PRKAG2: variants seen among roughly 807,000 people sequenced by gnomAD.
The protein encoded by PRKAG2 is protein kinase AMP-activated non-catalytic subunit gamma 2.
Under a neutral mutation model 69.6 loss-of-function variants are expected in PRKAG2, and 26 were observed. The observed-to-expected ratio is 0.37, with a 90% CI of 0.27 to 0.52. The LOEUF is 0.52. PRKAG2 is among the 20% of genes least tolerant of loss of function. PRKAG2 has a pLI of 0.90. For synonymous variants in PRKAG2, 293 were observed against 285.0 expected, an observed-to-expected ratio of 1.03 and a Z score of -0.28; for missense variants, 557 against 740.0, an observed-to-expected ratio of 0.75 and a Z score of 2.87.
At position 151,836,384 on chromosome 7, in the gene PRKAG2, G is replaced by A. The variant is rs2079148299; in HGVS notation, c.114+40123C>T. Among the ~76,000 whole-genome samples the A allele has an allele frequency of 6.6e-6, 1 of 152,174 alleles. No individual in the cohort carries two copies. Among genetic ancestry groups the A allele is most frequent in the African/African-American group, 2.4e-5 (1 of 41,432 alleles). ...GAGAATGGGGTGGTGGCTGCCCCAG[G>A]CCAGCTGGTCCAGGCAGCTTCCCTG... On this transcript the variant is annotated intron_variant, in intron 1 of 15. Transcript: ENST00000287878. The surrounding 1 kb of genome is among the most constrained non-coding windows in gnomAD (Gnocchi z 4.1).
At chr7:151,799,748 C>A (rs1252985671) in intron 1 of PRKAG2, among the ~76,000 whole-genome samples, 2 of 152,162 alleles carry the variant, frequency 1.3e-5, no homozygotes, top group African/African-American at 4.8e-5. Context: ...GCATAAAGAC[C>A]AGCCAGGTCA....
chr7:151,872,340 TC>T (rs952134781), intron 1 of PRKAG2, among the ~76,000 whole-genome samples: 36 of 152,352 alleles, frequency 2.4e-4, no homozygotes, highest in African/African-American at 8.4e-4. Context: ...CCAGCCCGTT[TC>T]CCATCACTCC....
At position 151,572,666 on chromosome 7, in the gene PRKAG2, C is replaced by G. The variant is rs1330644534; in HGVS notation, c.1049G>C (p.Arg350Thr). 1 of 1,597,534 alleles carries G rather than the reference C, an allele frequency of 6.3e-7. No individual in the cohort carries two copies. The highest frequency in any genetic ancestry group is 1.3e-5 in the African/African-American group (1 of 74,598). ...ELEEHKIETW[R>T]ELYLQETFKP... is the part of the protein sequence containing the mutation. ...TTTAAACATCCAATAGTGCTTACCC[C>G]TCCATGTTTCAATTTTATGTTCCTC... The change falls in exon 9 of 16, where the codon AGG becomes ACG. Residue 350 changes from arginine (R) to threonine (T), a missense_variant and splice_region_variant. Arg to Thr is a moderately conservative substitution (Grantham distance 71). Coordinates refer to ENST00000287878, the MANE Select transcript of PRKAG2 (RefSeq NM_016203.4).
chr7:151,735,853 C>T, intron 3 of PRKAG2: 1 of 1,535,632 alleles, frequency 6.5e-7, no homozygotes, highest in Non-Finnish European at 8.7e-7. Flanking sequence ...GTGGGGTTCC[C>T]TCCCAAGGAC....
chr7:151,796,308 G>A (rs1203723671), intron 1 of PRKAG2, among the ~76,000 whole-genome samples: 2 of 152,124 alleles, frequency 1.3e-5, no homozygotes, highest in Admixed American at 6.5e-5. Flanking sequence ...ACTTTGCCCA[G>A]GGCCCAGTGA....
rs749721119 is a variant in PRKAG2 at position 151,807,420 on chromosome 7, C to A, written c.115-20879G>T. The A allele has an allele frequency of 4.4e-6, 2 of 457,858 alleles. No individual in the cohort carries two copies. Among genetic ancestry groups the A allele is most frequent in the Non-Finnish European group, 8.8e-6 (2 of 226,970 alleles). The allele number at this position is 457,858 out of a possible 1,614,324, so 28.4% of individuals were successfully genotyped here. A position where few individuals can be genotyped will look rare whatever the true frequency, so the allele number is the denominator to read the frequency against. ...AGCTGTGCTGTGGGTGACGGTCATA[C>A]TTTATTCTCTAAAACTCTCCAGTTT... On this transcript the variant is annotated intron_variant, in intron 1 of 15. Transcript: ENST00000287878. The surrounding 1 kb of genome is among the most constrained non-coding windows in gnomAD (Gnocchi z 4.4).
chr7:151,849,863 C>T (rs1393226952), intron 1 of PRKAG2, among the ~76,000 whole-genome samples: 2 of 152,230 alleles, frequency 1.3e-5, no homozygotes, highest in African/African-American at 2.4e-5. Flanking sequence ...GCCATATCCA[C>T]ACAAGGTCAC....
chr7:151,695,824 T>C (rs1203180359), intron 3 of PRKAG2, among the ~76,000 whole-genome samples: 1 of 152,176 alleles, frequency 6.6e-6, no homozygotes, highest in Admixed American at 6.5e-5. Flanking sequence ...TAGCTGTCCC[T>C]GGCCTACAGA....
chr7:151,582,745 T>C (rs1810787919), intron 6 of PRKAG2, among the ~76,000 whole-genome samples: 1 of 152,246 alleles, frequency 6.6e-6, no homozygotes, highest in South Asian at 2.1e-4. Flanking sequence ...AGCAGCTCAC[T>C]TCGTTTTTCT....
chr7:151,632,656 G>A lies in PRKAG2; in HGVS notation c.685-518C>T. On this transcript the variant is annotated intron_variant, in intron 4 of 15. Coordinates refer to ENST00000287878, the MANE Select transcript of PRKAG2 (RefSeq NM_016203.4). This position sits in a 1 kb window ranked among gnomAD's most constrained non-coding sequence, Gnocchi z 4.2. Reference sequence around the variant, plus strand: ...CGCGGGGAGGGGGAGAGGGGCTGGAGGCTGCAGAACGCCCCGGGGCGCCAG... The same window carrying A: ...CGCGGGGAGGGGGAGAGGGGCTGGAAGCTGCAGAACGCCCCGGGGCGCCAG... 1 of 974,108 alleles carries A rather than the reference G, an allele frequency of 1.0e-6. No individual in the cohort carries two copies. The highest frequency in any genetic ancestry group is 4.7e-5 in the South Asian group (1 of 21,088). 60.3% of individuals were successfully genotyped at this position (974,108 alleles called of 1,614,324 possible).
At chr7:151,599,794 G>A (rs539440024) in intron 5 of PRKAG2, among the ~76,000 whole-genome samples, 1 of 152,326 alleles carries the variant, frequency 6.6e-6, no homozygotes, top group East Asian at 1.9e-4. Context: ...ACAGGCCAGG[G>A]AACTGTACTG....
intron 4 of PRKAG2, among the ~76,000 whole-genome samples, chr7:151,645,865 T>A (rs1182194358): frequency 6.6e-6 from 1 of 152,192 alleles, no homozygotes; most frequent in Non-Finnish European, 1.5e-5. Context: ...TAGGATCCAT[T>A]TTGATTTAAT....
chr7:151,601,172 A>T (rs1168083864), intron 5 of PRKAG2, among the ~76,000 whole-genome samples: 1 of 152,150 alleles, frequency 6.6e-6, no homozygotes, highest in Non-Finnish European at 1.5e-5. Flanking sequence ...CTCAAAGCTT[A>T]TGCATCAGCC....
At chr7:151,797,227 A>ACCCTC (rs2077594085) in intron 1 of PRKAG2, among the ~76,000 whole-genome samples, 7 of 132,806 alleles carry the variant, frequency 5.3e-5, no homozygotes, top group African/African-American at 1.5e-4. Flanking sequence ...GCTTCTTGCC[A>ACCCTC]CCCCCCCCAC....
At chr7:151,710,282 G>C (rs1334824141) in intron 3 of PRKAG2, among the ~76,000 whole-genome samples, 6 of 152,160 alleles carry the variant, frequency 3.9e-5, no homozygotes, top group African/African-American at 1.4e-4. Flanking sequence ...CGCCCAGCCT[G>C]TCTCTATCTC....
chr7:151,666,256 G>A (rs558469175), intron 4 of PRKAG2, among the ~76,000 whole-genome samples: 1 of 152,318 alleles, frequency 6.6e-6, no homozygotes, highest in South Asian at 2.1e-4. Flanking sequence ...TGCAGACAGA[G>A]CCTTTAAAGA....
At chr7:151,595,179 T>A (rs887211132) in intron 6 of PRKAG2, among the ~76,000 whole-genome samples, 166 bp downstream of exon 6, 1 of 152,200 alleles carries the variant, frequency 6.6e-6, no homozygotes, top group African/African-American at 2.4e-5. Context: ...GCACATTTCT[T>A]ATAAGGTTGC....
intron 4 of PRKAG2, among the ~76,000 whole-genome samples, chr7:151,652,314 T>C (rs952509666): frequency 1.3e-5 from 2 of 152,154 alleles, no homozygotes; most frequent in African/African-American, 2.4e-5. Context: ...CAAAACAACA[T>C]ATGGCAACAG....
At position 151,807,548 on chromosome 7, in the gene PRKAG2, G is replaced by A. The variant is rs370065141; in HGVS notation, c.115-21007C>T. 174 of 457,818 alleles carry A rather than the reference G, an allele frequency of 3.8e-4. 2 individuals carry two copies. The highest frequency in any genetic ancestry group is 2.9e-3 in the East Asian group (42 of 14,384). The allele number at this position is 457,818 out of a possible 1,614,324, so 28.4% of individuals were successfully genotyped here. ...TACGAGCTGAAATGGCCAGCACTGC[G>A]CCTTCCAGAACCCAGCGTAGATGCA... On this transcript the variant is annotated intron_variant, in intron 1 of 15. Transcript: ENST00000287878. This position sits in a 1 kb window ranked among gnomAD's most constrained non-coding sequence, Gnocchi z 4.4.
Sources: allele counts gnomAD v4.1 joint callset (sites outside exome capture counted in the v4.1 genomes callset), GRCh38; gene constraint gnomAD v4.1.1; non-coding constraint Gnocchi (gnomAD v3.1); transcripts MANE v1.5; gene names NCBI Gene and HGNC (gene_info 2026-07-23, HGNC 2026-07-21).